Variants in BOD1L1 observed in about 807,000 individuals in gnomAD.
The protein encoded by BOD1L1 is biorientation of chromosomes in cell division protein 1-like 1.
BOD1L1 carries 86 observed loss-of-function variants against 240.7 expected under a neutral mutation model. The observed-to-expected ratio is 0.36, with a 90% CI of 0.30 to 0.43. The LOEUF (loss-of-function observed/expected upper bound fraction) is 0.43, where lower values mean the gene tolerates loss of function less well. Among genes scored for constraint, BOD1L1 ranks in the 20% least tolerant of loss-of-function variants. BOD1L1 has a pLI of 1.00. For synonymous variants in BOD1L1, 1,268 were observed against 1,272.3 expected (o/e 1.00, Z 0.07); for missense variants, 3,554 against 3,643.5 (o/e 0.98, Z 0.63).
rs138908673 is a variant in BOD1L1 at position 13,609,374 on chromosome 4, C to T, written c.1524G>A (p.Arg508=). Residue 508 remains arginine, a synonymous_variant, in exon 7 of 26, where the codon AGG becomes AGA. Coordinates refer to ENST00000040738, the MANE Select transcript of BOD1L1 (RefSeq NM_148894.3). ...CTTCAAGTTTTTCTCTATTGATTTG[C>T]CTTCTTAAAAGCCTCTCTTCTTTTT... The part of the protein sequence containing the change: ...AKEKEERLLR[R]QINREKLEEK... The T allele has an allele frequency of 4.6e-6, 7 of 1,533,618 alleles. No homozygotes were observed. The East Asian group carries it at 1.2e-4, about 27-fold the overall frequency.
intron 15 of BOD1L1, among the ~76,000 whole-genome samples, 196 bp from the exon 16 acceptor site, chr4:13,587,967 C>T (rs1023628793): frequency 4.6e-5 from 7 of 152,064 alleles, no homozygotes; most frequent in African/African-American, 1.2e-4. Context: ...GGGCGGATCA[C>T]GAGGTCAGGA....
chr4:13,602,936 G>T lies in BOD1L1; in HGVS notation c.3964C>A (p.His1322Asn). Residue 1322 changes from histidine to asparagine, a missense_variant, in exon 10 of 26, where the codon CAC becomes AAC. His to Asn is a moderately conservative substitution (Grantham distance 68). Around this residue, in one of 2 missense-constraint regions of BOD1L1, gnomAD observed 3,393 missense variants for 3,427.1 expected, o/e 0.99. Coordinates refer to ENST00000040738, the MANE Select transcript of BOD1L1 (RefSeq NM_148894.3). ...AGACTTTGGTTAGGGAGAGCAGAGT[G>T]ATCCGCAGGGGAGGTGCTGGCTGTG... ...GSTASTSPAD[H>N]SALPNQSLTV... The T allele has an allele frequency of 6.2e-7, 1 of 1,614,012 alleles. No homozygotes were observed. The highest frequency in any genetic ancestry group is 1.1e-5 in the South Asian group (1 of 91,078).
chr4:13,618,972 T>C (rs1030084127), intron 2 of BOD1L1, among the ~76,000 whole-genome samples: 2 of 152,188 alleles, frequency 1.3e-5, no homozygotes, highest in Non-Finnish European at 2.9e-5. Flanking sequence ...TCACCCTTTT[T>C]TTGAGGGGTA....
Position 13,588,793 on chromosome 4 carries a change from C to A in BOD1L1, c.8210-1G>T. 1 of 1,583,374 alleles carries A rather than the reference C, an allele frequency of 6.3e-7. No homozygotes were observed. The highest frequency in any genetic ancestry group is 2.3e-5 in the East Asian group (1 of 44,170). On this transcript the variant is annotated splice_acceptor_variant, in intron 14 of 25. Transcript: ENST00000040738. LOFTEE classifies it high-confidence loss of function. ...TTGTCTTTTCTACCACTGGATATCT[C>A]TGAGTAATAAATACAAAAAAGAAAA... is the stretch of plus-strand genomic sequence containing the variant.
chr4:13,593,308 C>T (rs775516346), intron 12 of BOD1L1: 1 of 151,966 alleles, frequency 6.6e-6, no homozygotes, highest in Non-Finnish European at 1.5e-5. Context: ...CGTTGCAGCC[C>T]TGTAACAGTA....
Position 13,601,677 on chromosome 4 carries a change from G to C in BOD1L1, c.5223C>G (p.Ile1741Met), listed in dbSNP as rs762417765. ...GAEGRSDNFV[I>M]CSVTGAGPRE... ...GGGGCCCTGCTCCAGTTACTGAGCA[G>C]ATCACAAAGTTATCACTTCTGCCTT... The change falls in exon 10 of 26, where the codon ATC becomes ATG. Residue 1741 changes from isoleucine to methionine, a missense_variant. This residue lies in a region of BOD1L1 where 3,393 missense variants were observed against 3,427.1 expected (regional missense o/e 0.99). Coordinates refer to ENST00000040738, the MANE Select transcript of BOD1L1 (RefSeq NM_148894.3). 1 of 1,613,976 alleles carries C rather than the reference G, an allele frequency of 6.2e-7. No homozygotes were observed.
Position 13,600,026 on chromosome 4 carries a change from T to C in BOD1L1, c.6874A>G (p.Met2292Val), listed in dbSNP as rs763295333. 18 of 1,610,000 alleles carry C rather than the reference T, an allele frequency of 1.1e-5. No homozygotes were observed. Among genetic ancestry groups the C allele is most frequent in the Non-Finnish European group, 1.5e-5 (18 of 1,178,044 alleles). The change falls in exon 10 of 26, where the codon ATG becomes GTG. Residue 2292 changes from methionine (M) to valine (V), a missense_variant. This residue lies in a region of BOD1L1 where 3,393 missense variants were observed against 3,427.1 expected (regional missense o/e 0.99). Coordinates refer to ENST00000040738, the MANE Select transcript of BOD1L1 (RefSeq NM_148894.3). The part of the protein sequence containing the change: ...TPAEEMGDTA[M>V]ISTSTSEGCE... ...CCTTCAGAGGTGCTTGTGGAAATCA[T>C]GGCGGTGTCACCCATCTCTTCCGCT...
chr4:13,577,159 T>C (rs1348693055), intron 24 of BOD1L1, among the ~76,000 whole-genome samples, 168 bp from the exon 25 acceptor site: 1 of 152,236 alleles, frequency 6.6e-6, no homozygotes, highest in African/African-American at 2.4e-5. Context: ...TTTAACTTAA[T>C]CTCAAACACA....
chr4:13,584,804 A>T (rs752963034), intron 17 of BOD1L1, among the ~76,000 whole-genome samples: 8 of 152,100 alleles, frequency 5.3e-5, no homozygotes, highest in Non-Finnish European at 1.2e-4. Context: ...TAGAATAATG[A>T]CTTTATTGAT....
chr4:13,587,762 C>T lies in BOD1L1; in HGVS notation c.8290G>A (p.Glu2764Lys), dbSNP rs763729994. The T allele has an allele frequency of 5.8e-6, 9 of 1,553,294 alleles. No individual in the cohort carries two copies. Among genetic ancestry groups the T allele is most frequent in the African/African-American group, 2.7e-5 (2 of 73,406 alleles). Residue 2764 changes from glutamate to lysine, a missense_variant, in exon 16 of 26, where the codon GAA becomes AAA. Transcript: ENST00000040738. ...TTTCTTTTAGGCATATGCCTTTCTT[C>T]CTCTTCAACCTGGAATTAAGAATGA... ...VEADPKEVEEEERHMPKRKRK... is the reference protein window; with the variant it reads ...VEADPKEVEEKERHMPKRKRK...
Position 13,601,797 on chromosome 4 carries a change from A to C in BOD1L1, c.5103T>G (p.Ser1701=), listed in dbSNP as rs766861254. The change falls in exon 10 of 26, where the codon TCT becomes TCG. Residue 1701 remains serine, a synonymous_variant. Coordinates refer to ENST00000040738, the MANE Select transcript of BOD1L1 (RefSeq NM_148894.3). ...AGCCATCCACCTCTTCACTGCTTATAGATCCTGCTCTTATCTCTGTTCCAG... is the reference window on the plus strand; with the variant it reads ...AGCCATCCACCTCTTCACTGCTTATCGATCCTGCTCTTATCTCTGTTCCAG... The part of the protein sequence containing the change: ...TSAGTEIRAG[S]ISSEEVDGSQ... 6.2e-7 allele frequency: 1 copy of C among 1,614,004 alleles called. No homozygotes were observed. The highest frequency in any genetic ancestry group is 1.7e-5 in the Admixed American group (1 of 60,026).
intron 1 of BOD1L1, among the ~76,000 whole-genome samples, chr4:13,626,996 G>T (rs538517049): frequency 3.3e-4 from 50 of 152,310 alleles, no homozygotes; most frequent in African/African-American, 1.1e-3. Context: ...CTTCAAGAAA[G>T]AAGGCAAACA....
chr4:13,626,529 T>C (rs747242225), intron 1 of BOD1L1, among the ~76,000 whole-genome samples: 2 of 152,170 alleles, frequency 1.3e-5, no homozygotes, highest in South Asian at 2.1e-4. Flanking sequence ...GCTAATTCTT[T>C]GCCAATCCAG....
intron 12 of BOD1L1, chr4:13,593,072 A>C (rs545387683): frequency 6.6e-6 from 1 of 152,298 alleles, no homozygotes; most frequent in South Asian, 2.1e-4. Flanking sequence ...TCTCAAAGGA[A>C]AGGCTCACTG....
rs1712816575 is a variant in BOD1L1, at chr4:13,577,099, G to A, written c.8885-108C>T. 5.8e-5 allele frequency: 77 copies of A among 1,326,906 alleles called. No individual in the cohort carries two copies. The South Asian group carries it at 1.0e-3, about 18-fold the overall frequency. The allele number at this position is 1,326,906 out of a possible 1,614,324, so 82.2% of individuals were successfully genotyped here. A position where few individuals can be genotyped will look rare whatever the true frequency, so the allele number is the denominator to read the frequency against. Reference sequence around the variant, plus strand: ...AGGATATTAGGGACTTGGAGGCAGAGAAATGGTTTTCCACTTCCTTTTTGT... The same window carrying A: ...AGGATATTAGGGACTTGGAGGCAGAAAAATGGTTTTCCACTTCCTTTTTGT... On this transcript the variant is annotated intron_variant, in intron 24 of 25. Transcript: ENST00000040738.
At position 13,599,240 on chromosome 4, in the gene BOD1L1, C is replaced by A; in HGVS notation, c.7660G>T (p.Ala2554Ser). 2 of 1,613,726 alleles carry A rather than the reference C, an allele frequency of 1.2e-6. No individual in the cohort carries two copies. The highest frequency in any genetic ancestry group is 1.7e-6 in the Non-Finnish European group (2 of 1,179,720). ...GTVAEHSFLP[A>S]EQQGSEDNLK... ...TTGTCTTCAGACCCCTGCTGCTCAGCAGGAAGAAAGGAATGCTCAGCCACG... is the reference window on the plus strand; with the variant it reads ...TTGTCTTCAGACCCCTGCTGCTCAGAAGGAAGAAAGGAATGCTCAGCCACG... Residue 2554 changes from alanine to serine, a missense_variant, in exon 10 of 26, where the codon GCT becomes TCT. Transcript: ENST00000040738.
intron 17 of BOD1L1, among the ~76,000 whole-genome samples, chr4:13,586,082 C>A (rs1332439883): frequency 6.6e-6 from 1 of 152,082 alleles, no homozygotes; most frequent in Non-Finnish European, 1.5e-5. Context: ...TGTGATAAAG[C>A]ACATTATACT....
intron 17 of BOD1L1, among the ~76,000 whole-genome samples, chr4:13,583,632 C>G (rs1713410475): frequency 6.6e-6 from 1 of 152,144 alleles, no homozygotes; most frequent in South Asian, 2.1e-4. Context: ...GATCTTCATT[C>G]TTTTTTACCT....
chr4:13,576,575 A>G (rs1237540879), intron 25 of BOD1L1, among the ~76,000 whole-genome samples: 2 of 152,222 alleles, frequency 1.3e-5, no homozygotes, highest in Non-Finnish European at 2.9e-5. Context: ...CTCAAAAAAT[A>G]TATTTGTAAG....
Sources: gnomAD v4.1 joint callset for allele counts (sites outside exome capture counted in the v4.1 genomes callset) on GRCh38, gnomAD v4.1.1 for gene constraint, gnomAD v4.1.1 regional missense constraint, MANE v1.5 for transcripts, NCBI Gene and HGNC (gene_info 2026-07-23, HGNC 2026-07-21) for gene names.